Variants in DNAH7 observed in about 807,000 individuals in gnomAD.
DNAH7 encodes the protein axonemal beta dynein heavy chain 7.
Under a neutral mutation model 444.6 loss-of-function variants are expected in DNAH7, and 397 were observed. That is an observed-to-expected ratio of 0.89 (90% confidence interval 0.82 to 0.97). The LOEUF (loss-of-function observed/expected upper bound fraction) is 0.97, where lower values mean the gene tolerates loss of function less well. Ranked by LOEUF, DNAH7 falls within the 50% of genes least tolerant of loss-of-function variation. The probability of loss-of-function intolerance (pLI) is 0.00; values close to 1 mark genes in which losing one functional copy is unlikely to be tolerated. For missense variants in DNAH7, 4,902 were observed against 4,800.8 expected, an observed-to-expected ratio of 1.02 and a Z score of -0.62; for synonymous variants, 1,636 against 1,624.4, an observed-to-expected ratio of 1.01 and a Z score of -0.17.
chr2:196,019,950 C>T (rs997280622), intron 8 of DNAH7, among the ~76,000 whole-genome samples: 2 of 149,212 alleles, frequency 1.3e-5, no homozygotes, highest in Non-Finnish European at 3.0e-5. Context: ...TCCCCCTCCT[C>T]CTCCCCCTTC....
At chr2:195,953,883 CCAT>C (rs1372635509) in intron 19 of DNAH7, among the ~76,000 whole-genome samples, 8 of 152,222 alleles carry the variant, frequency 5.3e-5, no homozygotes, top group Non-Finnish European at 8.8e-5. Context: ...ACTATACACA[CCAT>C]GTCATTAGAC....
chr2:195,806,628 C>A, intron 54 of DNAH7, 112 bp downstream of exon 54: 3 of 751,572 alleles, frequency 4.0e-6, no homozygotes, highest in Non-Finnish European at 6.1e-6. Context: ...GGGATTATTT[C>A]CCGCAGGCTC....
chr2:196,022,527 T>C (rs1695442849), intron 8 of DNAH7, among the ~76,000 whole-genome samples: 1 of 152,234 alleles, frequency 6.6e-6, no homozygotes, highest in African/African-American at 2.4e-5. Flanking sequence ...ACCACTGTTT[T>C]TGCTCATCCA....
At chr2:195,833,654 A>G (rs1290844698) in intron 48 of DNAH7, among the ~76,000 whole-genome samples, 1 of 152,136 alleles carries the variant, frequency 6.6e-6, no homozygotes, top group Admixed American at 6.5e-5. Flanking sequence ...TCTACATAAG[A>G]GCTGTATTGA....
At chr2:196,030,882 C>T (rs542316804) in intron 5 of DNAH7, among the ~76,000 whole-genome samples, 8 of 152,326 alleles carry the variant, frequency 5.3e-5, no homozygotes, top group Middle Eastern at 3.4e-3. Flanking sequence ...TGAGTGTCTG[C>T]GGCTTTTCCA....
At position 195,737,835 on chromosome 2, in the gene DNAH7, C is replaced by CA. The variant is rs890091945; in HGVS notation, c.*85dup. ...CTTTAGTCAAATGTATTTAAACAAA[C>CA]AAAAAAAAAGGTTTAAGTAGTAAAA... On this transcript the variant is annotated 3_prime_UTR_variant, in exon 65 of 65. Transcript: ENST00000312428. 7.0e-4 allele frequency: 831 copies of CA among 1,185,600 alleles called. No homozygotes were observed. Among genetic ancestry groups the CA allele is most frequent in the South Asian group, 1.0e-3 (66 of 64,738 alleles). The allele number at this position is 1,185,600 out of a possible 1,614,324, so 73.4% of individuals were successfully genotyped here.
chr2:196,068,664 G>T (rs1184319043), intron 1 of DNAH7, 33 bp downstream of exon 1: 20 of 1,550,032 alleles, frequency 1.3e-5, no homozygotes, highest in Non-Finnish European at 1.7e-5. Flanking sequence ...GCGTCGCGGC[G>T]GCGGCGAGCC....
In DNAH7 at chr2:195,943,540, T is replaced by C. The variant is rs548917029; in HGVS notation, c.3079-6748A>G. 1.2e-3 allele frequency among the ~76,000 whole-genome samples: 179 copies of C among 152,258 alleles called. 2 individuals are homozygous for C. Among genetic ancestry groups the C allele is most frequent in the African/African-American group, 4.1e-3 (172 of 41,570 alleles). Reference sequence around the variant, plus strand: ...GAAAGAGGGCCAATGTAATATTCAATTCCCTCTAAATGAGTGCTGTATCAG... The same window carrying C: ...GAAAGAGGGCCAATGTAATATTCAACTCCCTCTAAATGAGTGCTGTATCAG... On this transcript the variant is annotated intron_variant, in intron 19 of 64. Coordinates refer to ENST00000312428, the MANE Select transcript of DNAH7 (RefSeq NM_018897.3).
chr2:196,013,021 G>C, intron 9 of DNAH7, 115 bp from the exon 10 acceptor site: 1 of 703,128 alleles, frequency 1.4e-6, no homozygotes, highest in East Asian at 3.4e-5. Flanking sequence ...ATTAAAAATT[G>C]TGTTCTATAT....
intron 1 of DNAH7, among the ~76,000 whole-genome samples, chr2:196,058,555 T>C (rs1697953732): frequency 6.6e-6 from 1 of 152,204 alleles, no homozygotes; most frequent in African/African-American, 2.4e-5. Context: ...TATAATTGTA[T>C]TTAATACAAA....
In DNAH7 at chr2:195,891,630, T is replaced by C. The variant is rs200269388; in HGVS notation, c.5046+25A>G. 4.3e-5 allele frequency: 66 copies of C among 1,517,698 alleles called. No individual in the cohort carries two copies. The East Asian group carries it at 1.4e-3, about 32-fold the overall frequency. The allele number at this position is 1,517,698 out of a possible 1,614,324, so 94.0% of individuals were successfully genotyped here. On this transcript the variant is annotated intron_variant, in intron 31 of 64. Coordinates refer to ENST00000312428, the MANE Select transcript of DNAH7 (RefSeq NM_018897.3). ...ATAAATATCTTAACCTTTTAAGATA[T>C]GCATGTGAAAGTGTTAGAACTTACC...
At chr2:195,907,905 G>A (rs919912817) in intron 25 of DNAH7, among the ~76,000 whole-genome samples, 4 of 151,786 alleles carry the variant, frequency 2.6e-5, no homozygotes, top group Non-Finnish European at 5.9e-5. Flanking sequence ...AATGCATGGC[G>A]ACAGATCACA....
At chr2:195,988,848 C>T (rs1022375282) in intron 12 of DNAH7, among the ~76,000 whole-genome samples, 22 of 152,126 alleles carry the variant, frequency 1.4e-4, no homozygotes, top group Non-Finnish European at 3.1e-4. Flanking sequence ...TTCCTTGCTA[C>T]CCTTCCTAGC....
chr2:195,817,552 G>T, intron 50 of DNAH7, 144 bp downstream of exon 50: 1 of 848,036 alleles, frequency 1.2e-6, no homozygotes, highest in Non-Finnish European at 1.7e-6. Context: ...TTGACATAGA[G>T]GTATAATTCC....
chr2:195,785,824 T>C (rs1695591863), intron 58 of DNAH7, among the ~76,000 whole-genome samples: 1 of 152,176 alleles, frequency 6.6e-6, no homozygotes, highest in Non-Finnish European at 1.5e-5. Context: ...AATTCCTAAA[T>C]GGAAGAGCTT....
At chr2:195,923,546 C>T (rs763267626) in intron 23 of DNAH7, 49 bp downstream of exon 23, 3 of 1,574,258 alleles carry the variant, frequency 1.9e-6, no homozygotes, top group South Asian at 1.1e-5. Flanking sequence ...AAATTTAAAA[C>T]TACGAGCTGA....
At chr2:195,897,226 G>A (rs766963349) in intron 29 of DNAH7, among the ~76,000 whole-genome samples, 26 of 152,014 alleles carry the variant, frequency 1.7e-4, no homozygotes, top group Non-Finnish European at 3.8e-4. Context: ...TAGTTCTTAT[G>A]TTATCATAAA....
At chr2:195,935,282 G>A (rs1688972195) in intron 20 of DNAH7, among the ~76,000 whole-genome samples, 1 of 152,112 alleles carries the variant, frequency 6.6e-6, no homozygotes. Flanking sequence ...CCAACTATTA[G>A]TCTATTCAAT....
At position 195,864,619 on chromosome 2, in the gene DNAH7, C is replaced by T. The variant is rs1700211633; in HGVS notation, c.7036G>A (p.Gly2346Arg). The part of the protein sequence containing the change: ...HALLVGVGGS[G>R]RQSVTRLAAH... ...GCTAATCTGGTGACAGACTGCCTTC[C>T]ACTCCCTCCAACCCCTACTAGGAGA... The change falls in exon 41 of 65, where the codon GGA becomes AGA. Residue 2346 changes from glycine (G) to arginine (R), a missense_variant. By Grantham distance (125) the Gly-to-Arg change is moderately radical (BLOSUM62 -2). Coordinates refer to ENST00000312428, the MANE Select transcript of DNAH7 (RefSeq NM_018897.3). 1 of 1,614,158 alleles carries T rather than the reference C, an allele frequency of 6.2e-7. No individual in the cohort carries two copies. The highest frequency in any genetic ancestry group is 8.5e-7 in the Non-Finnish European group (1 of 1,180,034).
Sources: allele counts gnomAD v4.1 joint callset (sites outside exome capture counted in the v4.1 genomes callset), GRCh38; gene constraint gnomAD v4.1.1; transcripts MANE v1.5; gene names NCBI Gene and HGNC (gene_info 2026-07-23, HGNC 2026-07-21).